USP53: variants seen among roughly 807,000 people sequenced by gnomAD.
USP53 encodes ubiquitin specific peptidase 53.
In USP53, 71 loss-of-function variants were observed where a neutral mutation model predicts 94.9. The ratio of observed to expected loss-of-function variants is 0.75; its 90% CI spans 0.62 to 0.91. The LOEUF (loss-of-function observed/expected upper bound fraction) is 0.91, where lower values mean the gene tolerates loss of function less well. Ranked by LOEUF, USP53 falls within the 40% of genes least tolerant of loss-of-function variation. The pLI is 0.00. For missense variants in USP53, 1,173 were observed against 1,281.0 expected, an observed-to-expected ratio of 0.92 and a Z score of 1.29; for synonymous variants, 375 against 422.7, an observed-to-expected ratio of 0.89 and a Z score of 1.39.
At chr4:119,245,256 G>T (rs912112536) in intron 5 of USP53, 81 bp from the exon 6 acceptor site, 3 of 1,371,504 alleles carry the variant, frequency 2.2e-6, no homozygotes, top group Non-Finnish European at 3.1e-6. Flanking sequence ...TTTGCAATTT[G>T]TAAAATATCT....
intron 17 of USP53, among the ~76,000 whole-genome samples, chr4:119,284,065 G>A (rs1753811728): frequency 6.6e-6 from 1 of 151,830 alleles, no homozygotes; most frequent in South Asian, 2.1e-4. Context: ...GAAAATATTG[G>A]AGATGGGGTT....
chr4:119,274,422 C>T (rs370623451), intron 17 of USP53, among the ~76,000 whole-genome samples: 8 of 151,854 alleles, frequency 5.3e-5, no homozygotes, highest in African/African-American at 1.9e-4. Context: ...ACAAAGGACA[C>T]GAACTCATCA....
chr4:119,237,321 A>G (rs968889163), intron 4 of USP53, among the ~76,000 whole-genome samples: 1 of 152,136 alleles, frequency 6.6e-6, no homozygotes, highest in Non-Finnish European at 1.5e-5. Flanking sequence ...CATTGGCTTC[A>G]ACTTGAAGTC....
intron 7 of USP53, among the ~76,000 whole-genome samples, chr4:119,250,287 C>T (rs1469132296): frequency 6.6e-6 from 1 of 152,184 alleles, no homozygotes; most frequent in African/African-American, 2.4e-5. Context: ...CAGACTAAGT[C>T]TATGCCTACC....
chr4:119,216,684 C>T (rs566619215), intron 2 of USP53, among the ~76,000 whole-genome samples: 63 of 152,084 alleles, frequency 4.1e-4, no homozygotes, highest in Non-Finnish European at 7.5e-4. Context: ...AGGATAGCTC[C>T]GTAACAAAAT....
chr4:119,278,276 G>A (rs1178187513), intron 17 of USP53, among the ~76,000 whole-genome samples: 1 of 151,778 alleles, frequency 6.6e-6, no homozygotes, highest in Non-Finnish European at 1.5e-5. Context: ...TCCTTCAGGA[G>A]CTCTTTTAGG....
chr4:119,222,207 G>T (rs1315410699), intron 3 of USP53, among the ~76,000 whole-genome samples: 1 of 151,940 alleles, frequency 6.6e-6, no homozygotes, highest in Non-Finnish European at 1.5e-5. Context: ...ACATCTTTAT[G>T]GGGTACATGT....
rs1425013077 is a variant in USP53, at chr4:119,260,661, A to G, written c.822+8A>G. ...CATCTTTATCTTCCTGGGGTATCTT[A>G]TCTATTTTCATTCCCTTCCCTTTTA... is the stretch of plus-strand genomic sequence containing the variant. On this transcript the variant is annotated splice_region_variant and intron_variant, in intron 11 of 18. Coordinates refer to ENST00000692078, the MANE Select transcript of USP53 (RefSeq NM_001371395.1). 2 of 1,610,906 alleles carry G rather than the reference A, an allele frequency of 1.2e-6. No homozygotes were observed. The highest frequency in any genetic ancestry group is 1.7e-6 in the Non-Finnish European group (2 of 1,178,694).
chr4:119,261,625 C>A, intron 11 of USP53, 90 bp from the exon 12 acceptor site: 1 of 1,047,900 alleles, frequency 9.5e-7, no homozygotes, highest in Non-Finnish European at 1.3e-6. Flanking sequence ...AGAAATATTT[C>A]ATTATGTGTC....
At chr4:119,284,067 G>A (rs1026372163) in intron 17 of USP53, among the ~76,000 whole-genome samples, 1 of 151,832 alleles carries the variant, frequency 6.6e-6, no homozygotes, top group African/African-American at 2.4e-5. Context: ...AAATATTGGA[G>A]ATGGGGTTAT....
rs113115461 is a variant in USP53, at chr4:119,226,212, A to G, written c.-665+8539A>G. ...CCTGTAAAAATCTACAGCTAACCCT[A>G]CACATAAGGTTAAAGACTGAATGAT... On this transcript the variant is annotated intron_variant, in intron 3 of 18. Transcript: ENST00000692078. Among the ~76,000 whole-genome samples the G allele has an allele frequency of 7.6e-3, 1,161 of 152,350 alleles. 15 individuals are homozygous for G. The highest frequency in any genetic ancestry group is 0.027 in the African/African-American group (1,106 of 41,580).
chr4:119,283,610 G>A (rs1753755013), intron 17 of USP53, among the ~76,000 whole-genome samples: 1 of 151,808 alleles, frequency 6.6e-6, no homozygotes, highest in Non-Finnish European at 1.5e-5. Flanking sequence ...ATAAGCGTAT[G>A]TGGGCAGGAT....
At chr4:119,216,844 A>T (rs1326369877) in intron 2 of USP53, among the ~76,000 whole-genome samples, 1 of 152,222 alleles carries the variant, frequency 6.6e-6, no homozygotes, top group African/African-American at 2.4e-5. Flanking sequence ...AGATAGCAAA[A>T]TGGAGTATAA....
chr4:119,234,124 A>G (rs1158643971), intron 3 of USP53, among the ~76,000 whole-genome samples: 4 of 152,128 alleles, frequency 2.6e-5, no homozygotes, highest in Non-Finnish European at 5.9e-5. Context: ...TTCCTGATAT[A>G]ATAATCTCCT....
At chr4:119,292,301 A>C in intron 18 of USP53, 37 bp from the exon 19 acceptor site, 1 of 1,515,436 alleles carries the variant, frequency 6.6e-7, no homozygotes, top group Non-Finnish European at 8.8e-7. Context: ...ATATTTGCAT[A>C]GGGTGTTCTA....
chr4:119,247,227 T>C (rs1006769226), intron 6 of USP53, among the ~76,000 whole-genome samples: 5 of 152,210 alleles, frequency 3.3e-5, no homozygotes, highest in Non-Finnish European at 5.9e-5. Flanking sequence ...GCCTCTTTCC[T>C]GTGCTTGCCT....
intron 7 of USP53, 141 bp downstream of exon 7, chr4:119,249,023 T>C (rs1748617338): frequency 9.6e-7 from 1 of 1,045,520 alleles, no homozygotes; most frequent in Non-Finnish European, 1.4e-6. Flanking sequence ...ATCTTACCCA[T>C]CCTTCAAGCC....
chr4:119,283,984 G>T (rs889942807), intron 17 of USP53, among the ~76,000 whole-genome samples: 2 of 151,950 alleles, frequency 1.3e-5, no homozygotes, highest in Non-Finnish European at 2.9e-5. Flanking sequence ...CTGAGGAAGA[G>T]AAGTGAGCTA....
At chr4:119,227,270 C>T (rs1745403748) in intron 3 of USP53, among the ~76,000 whole-genome samples, 1 of 150,324 alleles carries the variant, frequency 6.7e-6, no homozygotes, top group South Asian at 2.2e-4. Flanking sequence ...CACACACACA[C>T]ACACACACAC....
Sources: gnomAD v4.1 joint callset for allele counts (sites outside exome capture counted in the v4.1 genomes callset) on GRCh38, gnomAD v4.1.1 for gene constraint, MANE v1.5 for transcripts, NCBI Gene and HGNC (gene_info 2026-07-23, HGNC 2026-07-21) for gene names.